Variants in SPTLC1 observed in about 807,000 individuals in gnomAD.
SPTLC1 encodes serine palmitoyltransferase long chain base subunit 1, also known as serine palmitoyltransferase 1.
A neutral mutation model predicts 68.9 loss-of-function variants in SPTLC1; 55 were observed. The observed-to-expected ratio is 0.80, with a 90% CI of 0.64 to 1.00. The LOEUF is 1.00. SPTLC1 is among the 50% of genes least tolerant of loss of function. SPTLC1 has a pLI of 0.00. For missense variants in SPTLC1, 449 were observed against 573.1 expected (o/e 0.78, Z 2.21); for synonymous variants, 197 against 201.6 (o/e 0.98, Z 0.19).
At chr9:92,062,185 C>G (rs7024215) in intron 6 of SPTLC1, among the ~76,000 whole-genome samples, 1 of 152,090 alleles carries the variant, frequency 6.6e-6, no homozygotes, top group Admixed American at 6.5e-5. Context: ...GGGTATCTGA[C>G]AAAGTAAACT....
intron 5 of SPTLC1, among the ~76,000 whole-genome samples, chr9:92,069,331 T>C (rs1054854581): frequency 6.6e-6 from 1 of 152,222 alleles, no homozygotes; most frequent in African/African-American, 2.4e-5. Context: ...CTTCTTCCTA[T>C]TTGTACGTTA....
rs1486544962 is a variant in SPTLC1 at position 92,047,679 on chromosome 9, G to A, written c.918C>T (p.Asn306=). The A allele has an allele frequency of 1.2e-6, 2 of 1,613,358 alleles. No individual in the cohort carries two copies. Among genetic ancestry groups the A allele is most frequent in the African/African-American group, 1.3e-5 (1 of 75,004 alleles). The change falls in exon 10 of 15, where the codon AAC becomes AAT. Residue 306 remains asparagine (N), a synonymous_variant. Transcript: ENST00000262554. ...NIDDIDLISA[N]MENALASIGG... Reference sequence around the variant, plus strand: ...CAATAGAAGCAAGTGCATTCTCCATGTTGGCACTGATAAGATCAATATCAT... The same window carrying A: ...CAATAGAAGCAAGTGCATTCTCCATATTGGCACTGATAAGATCAATATCAT...
chr9:92,084,987 G>A (rs1835054113), intron 3 of SPTLC1, among the ~76,000 whole-genome samples: 1 of 152,122 alleles, frequency 6.6e-6, no homozygotes, highest in Non-Finnish European at 1.5e-5. Context: ...TATGTGTCGA[G>A]GAATTTATCC....
At chr9:92,059,925 T>C (rs748182966) in intron 6 of SPTLC1, among the ~76,000 whole-genome samples, 1 of 152,052 alleles carries the variant, frequency 6.6e-6, no homozygotes, top group Non-Finnish European at 1.5e-5. Flanking sequence ...TCCTATCAGT[T>C]GGTAACAAGT....
intron 3 of SPTLC1, among the ~76,000 whole-genome samples, chr9:92,087,521 T>C (rs527597880): frequency 6.6e-6 from 1 of 152,246 alleles, no homozygotes; most frequent in African/African-American, 2.4e-5. Flanking sequence ...CAGACCCTAT[T>C]TGCCTGGCTA....
chr9:92,043,905 G>C (rs979862433), intron 12 of SPTLC1, among the ~76,000 whole-genome samples: 1 of 152,286 alleles, frequency 6.6e-6, no homozygotes, highest in African/African-American at 2.4e-5. Context: ...CCCTGTGTGC[G>C]GATGGCCCAT....
At chr9:92,077,361 A>G (rs1402023374) in intron 5 of SPTLC1, among the ~76,000 whole-genome samples, 2 of 152,158 alleles carry the variant, frequency 1.3e-5, no homozygotes, top group Non-Finnish European at 2.9e-5. Context: ...CCGGACGGTC[A>G]GTTCTTGTTA....
chr9:92,049,488 C>T (rs1044385297), intron 9 of SPTLC1, among the ~76,000 whole-genome samples: 1 of 152,128 alleles, frequency 6.6e-6, no homozygotes, highest in African/African-American at 2.4e-5. Flanking sequence ...TTCTGACACA[C>T]ACACACATGC....
chr9:92,055,040 C>T (rs1003970713), intron 8 of SPTLC1, among the ~76,000 whole-genome samples: 18 of 151,944 alleles, frequency 1.2e-4, no homozygotes, highest in African/African-American at 3.6e-4. Flanking sequence ...GCCTGGGTAA[C>T]GCAGTGAGAC....
At position 92,104,359 on chromosome 9, in the gene SPTLC1, C is replaced by T. The variant is rs191164767; in HGVS notation, c.260+4381G>A. The stretch of plus-strand genomic sequence containing the variant: ...TGCCCCGGGAATCTGGGGCCGTTTC[C>T]CACTCCTCTTCAACCGTCAGCGACA... On this transcript the variant is annotated intron_variant, in intron 3 of 14. Transcript: ENST00000262554. 210 of 1,397,262 alleles carry T rather than the reference C, an allele frequency of 1.5e-4. No homozygotes were observed. In the African/African-American group the frequency reaches 2.4e-3, roughly 16 times the overall value. 86.6% of individuals were successfully genotyped at this position (1,397,262 alleles called of 1,614,324 possible).
At chr9:92,093,874 G>A (rs189386693) in intron 3 of SPTLC1, among the ~76,000 whole-genome samples, 6 of 152,280 alleles carry the variant, frequency 3.9e-5, no homozygotes, top group African/African-American at 7.2e-5. Flanking sequence ...AATATTTGCA[G>A]GTAGGCAGAG....
chr9:92,083,399 T>C (rs951754003), intron 3 of SPTLC1, among the ~76,000 whole-genome samples: 124 of 151,720 alleles, frequency 8.2e-4, no homozygotes, highest in African/African-American at 2.9e-3. Flanking sequence ...CTTTAATCCA[T>C]CTTGAATTAA....
chr9:92,061,749 A>G (rs1053351689), intron 6 of SPTLC1, among the ~76,000 whole-genome samples: 1 of 152,226 alleles, frequency 6.6e-6, no homozygotes, highest in Admixed American at 6.5e-5. Context: ...AAAGGAAGGT[A>G]AAAGTTTCTA....
rs183663018 is a variant in SPTLC1, at chr9:92,104,500, C to T, written c.260+4240G>A. 2.0e-4 allele frequency: 278 copies of T among 1,418,758 alleles called. 2 individuals carry two copies. Among genetic ancestry groups the T allele is most frequent in the East Asian group, 1.5e-3 (61 of 40,258 alleles). The allele number at this position is 1,418,758 out of a possible 1,614,324, so 87.9% of individuals were successfully genotyped here. On this transcript the variant is annotated intron_variant, in intron 3 of 14. Transcript: ENST00000262554. Reference sequence around the variant, plus strand: ...GCCTCCTGTGGTCTGGAGCCCCCCCCTCAAGGAAGAAACCCGTGCTGTCTG... The same window carrying T: ...GCCTCCTGTGGTCTGGAGCCCCCCCTTCAAGGAAGAAACCCGTGCTGTCTG...
chr9:92,040,195 C>A (rs138074769), intron 12 of SPTLC1, among the ~76,000 whole-genome samples: 6,931 of 151,868 alleles, frequency 0.046, 233 homozygotes, highest in Middle Eastern at 0.065. Flanking sequence ...CATGGTGAAA[C>A]CCTGTCTCTA....
intron 5 of SPTLC1, among the ~76,000 whole-genome samples, chr9:92,073,854 G>C (rs576335412): frequency 6.6e-6 from 1 of 152,176 alleles, no homozygotes; most frequent in African/African-American, 2.4e-5. Flanking sequence ...ACTTCAAGGC[G>C]TACAAACCGC....
intron 3 of SPTLC1, among the ~76,000 whole-genome samples, chr9:92,100,787 C>CTAGG (rs1456047473): frequency 6.6e-6 from 1 of 151,350 alleles, no homozygotes; most frequent in Non-Finnish European, 1.5e-5. Context: ...CTCCTACAGC[C>CTAGG]TAGGTCACCA....
At chr9:92,046,311 G>T (rs190020044) in intron 11 of SPTLC1, 9 of 490,092 alleles carry the variant, frequency 1.8e-5, no homozygotes, top group Admixed American at 1.4e-4. Context: ...AATGCCTCTT[G>T]TTCTCATCAA....
chr9:92,039,300 T>A (rs2118380427), intron 12 of SPTLC1, among the ~76,000 whole-genome samples: 1 of 152,364 alleles, frequency 6.6e-6, no homozygotes, highest in Middle Eastern at 3.4e-3. Context: ...CACAAAAATC[T>A]GTAGCTTCTC....
Sources: allele counts gnomAD v4.1 joint callset (sites outside exome capture counted in the v4.1 genomes callset), GRCh38; gene constraint gnomAD v4.1.1; transcripts MANE v1.5; gene names NCBI Gene and HGNC (gene_info 2026-07-23, HGNC 2026-07-21).